Variants in NMNAT3 observed in about 807,000 individuals in gnomAD.
NMNAT3 encodes the protein nicotinamide/nicotinic acid mononucleotide adenylyltransferase 3.
NMNAT3 carries 21 observed loss-of-function variants against 24.8 expected under a neutral mutation model. That is an observed-to-expected ratio of 0.85 (90% CI 0.60 to 1.22). The LOEUF (loss-of-function observed/expected upper bound fraction) is 1.22, where lower values mean the gene tolerates loss of function less well. Ranked by LOEUF, NMNAT3 falls within the 50% of genes most tolerant of loss-of-function variation. The pLI is 0.00. For synonymous variants in NMNAT3, 136 were observed against 155.2 expected, an observed-to-expected ratio of 0.88 and a Z score of 0.92; for missense variants, 387 against 436.6, an observed-to-expected ratio of 0.89 and a Z score of 1.01.
At chr3:139,656,134 G>A (rs1033825776) in intron 1 of NMNAT3, among the ~76,000 whole-genome samples, 9 of 152,192 alleles carry the variant, frequency 5.9e-5, no homozygotes, top group African/African-American at 2.2e-4. Flanking sequence ...GGGATGGCTG[G>A]GGATGGAGTT....
At chr3:139,606,162 C>A (rs548287844) in intron 3 of NMNAT3, among the ~76,000 whole-genome samples, 26 of 152,270 alleles carry the variant, frequency 1.7e-4, no homozygotes, top group African/African-American at 6.3e-4. Flanking sequence ...CTAGAGACAT[C>A]ATTTCTATTT....
chr3:139,659,372 G>T (rs1002977590), intron 1 of NMNAT3, among the ~76,000 whole-genome samples: 2 of 152,146 alleles, frequency 1.3e-5, no homozygotes, highest in Admixed American at 1.3e-4. Flanking sequence ...AGATCAAAAA[G>T]CACAGTTCTA....
At chr3:139,591,018 C>T (rs1206296224) in intron 3 of NMNAT3, among the ~76,000 whole-genome samples, 2 of 152,004 alleles carry the variant, frequency 1.3e-5, no homozygotes, top group Non-Finnish European at 1.5e-5. Flanking sequence ...GTGAGAGCGA[C>T]ACAGAAGACG....
At chr3:139,605,550 A>C (rs1301344883) in intron 3 of NMNAT3, among the ~76,000 whole-genome samples, 1 of 152,062 alleles carries the variant, frequency 6.6e-6, no homozygotes, top group Non-Finnish European at 1.5e-5. Context: ...CTTTTCTCTT[A>C]AGTGCCCAGA....
chr3:139,637,498 C>T (rs2056544089), intron 2 of NMNAT3: 1 of 152,226 alleles, frequency 6.6e-6, no homozygotes, highest in Non-Finnish European at 1.5e-5. Flanking sequence ...TGGCAAATAG[C>T]CTTGTGCTTA....
At chr3:139,667,324 A>T (rs192426976) in intron 1 of NMNAT3, among the ~76,000 whole-genome samples, 1 of 151,940 alleles carries the variant, frequency 6.6e-6, no homozygotes, top group Non-Finnish European at 1.5e-5. Context: ...ATAACCTCTC[A>T]TTGTGGTTTT....
chr3:139,663,318 G>A (rs2057476618), intron 1 of NMNAT3, among the ~76,000 whole-genome samples: 1 of 152,154 alleles, frequency 6.6e-6, no homozygotes, highest in Non-Finnish European at 1.5e-5. Flanking sequence ...GATGGTCCAG[G>A]ATATTCTCCT....
At chr3:139,649,847 T>C (rs972893847) in intron 1 of NMNAT3, among the ~76,000 whole-genome samples, 9 of 152,176 alleles carry the variant, frequency 5.9e-5, no homozygotes, top group African/African-American at 1.9e-4. Flanking sequence ...TTTGGATTAA[T>C]GCAGTCAGGC....
chr3:139,640,258 G>A (rs1489234235), intron 1 of NMNAT3, among the ~76,000 whole-genome samples: 1 of 152,160 alleles, frequency 6.6e-6, no homozygotes, highest in Non-Finnish European at 1.5e-5. Context: ...CCCTGTGCCT[G>A]AGTGGGCAAA....
chr3:139,652,063 C>T (rs908051679), intron 1 of NMNAT3, among the ~76,000 whole-genome samples: 5 of 152,116 alleles, frequency 3.3e-5, no homozygotes, highest in African/African-American at 1.2e-4. Flanking sequence ...TGTCTAGAGG[C>T]CCCCAAAGCC....
chr3:139,571,556 G>A (rs1019608672), intron 6 of NMNAT3: 1 of 152,114 alleles, frequency 6.6e-6, no homozygotes, highest in South Asian at 2.1e-4. Context: ...GAACAAGTGA[G>A]TGGGATTTAG....
chr3:139,617,293 G>A (rs532065202), intron 3 of NMNAT3, among the ~76,000 whole-genome samples: 11 of 152,230 alleles, frequency 7.2e-5, no homozygotes, highest in African/African-American at 2.2e-4. Flanking sequence ...TCCTTGCATC[G>A]AGTACAACAC....
chr3:139,565,287 A>C (rs373498078), intron 6 of NMNAT3: 1 of 152,224 alleles, frequency 6.6e-6, no homozygotes, highest in African/African-American at 2.4e-5. Flanking sequence ...GGAATTTATC[A>C]AGCAAAGAGT....
rs1461367254 is a variant in NMNAT3, at chr3:139,579,067, A to G, written c.392-12T>C. On this transcript the variant is annotated splice_polypyrimidine_tract_variant and intron_variant, in intron 4 of 6. Transcript: ENST00000643695. ...GACCTGGTACATTCCTAGGTAAGAG[A>G]GAGCAGTGGTGTTGCACATACAGAC... is the stretch of plus-strand genomic sequence containing the variant. The G allele has an allele frequency of 1.9e-6, 3 of 1,610,140 alleles. No individual in the cohort carries two copies. The highest frequency in any genetic ancestry group is 1.7e-5 in the Admixed American group (1 of 59,700).
In NMNAT3 at chr3:139,599,461, A is replaced by G. The variant is rs2054616777; in HGVS notation, c.110-16253T>C. ...CCCTGGGAAACAAAGGCCTTGAAAG[A>G]CAAAAATCTAAGAGATCAGGAGCAA... On this transcript the variant is annotated intron_variant, in intron 3 of 6. Transcript: ENST00000643695. 11 of 697,774 alleles carry G rather than the reference A, an allele frequency of 1.6e-5. No individual in the cohort carries two copies. In the East Asian group the frequency reaches 3.0e-4, roughly 19 times the overall value. The allele number at this position is 697,774 out of a possible 1,614,324, so 43.2% of individuals were successfully genotyped here.
chr3:139,643,249 C>T (rs543998141), intron 1 of NMNAT3, among the ~76,000 whole-genome samples: 157 of 152,272 alleles, frequency 1.0e-3, no homozygotes, highest in African/African-American at 3.6e-3. Flanking sequence ...TGGGAACCCC[C>T]GTGCATTGTT....
chr3:139,598,453 A>G (rs562054277), intron 3 of NMNAT3, among the ~76,000 whole-genome samples: 8 of 152,166 alleles, frequency 5.3e-5, no homozygotes, highest in Non-Finnish European at 1.2e-4. Flanking sequence ...AAAACGCCCA[A>G]ACTAGCCTAC....
chr3:139,667,795 G>T (rs2057631540), intron 1 of NMNAT3, among the ~76,000 whole-genome samples: 1 of 152,210 alleles, frequency 6.6e-6, no homozygotes, highest in Non-Finnish European at 1.5e-5. Context: ...GCCCATAATG[G>T]TGTATGTATG....
At chr3:139,611,941 G>C (rs543646898) in intron 3 of NMNAT3, among the ~76,000 whole-genome samples, 1 of 152,332 alleles carries the variant, frequency 6.6e-6, no homozygotes, top group African/African-American at 2.4e-5. Context: ...GCTGAGGCGG[G>C]CGGATCACCG....
Sources: allele counts gnomAD v4.1 joint callset (sites outside exome capture counted in the v4.1 genomes callset), GRCh38; gene constraint gnomAD v4.1.1; transcripts MANE v1.5; gene names NCBI Gene and HGNC (gene_info 2026-07-23, HGNC 2026-07-21).